Variants in NR3C2 observed in about 807,000 individuals in gnomAD.
NR3C2 encodes the protein mineralocorticoid receptor.
NR3C2 carries 15 observed loss-of-function variants against 86.4 expected under a neutral mutation model. That is an observed-to-expected ratio of 0.17 (90% CI 0.12 to 0.27). The LOEUF (loss-of-function observed/expected upper bound fraction) is 0.27, where lower values mean the gene tolerates loss of function less well. Among genes scored for constraint, NR3C2 ranks in the 10% least tolerant of loss-of-function variants. The pLI, the probability that NR3C2 is intolerant of heterozygous loss-of-function variation, is 1.00. For missense variants in NR3C2, 960 were observed against 1,195.6 expected (o/e 0.80, Z 2.91); for synonymous variants, 458 against 450.5 (o/e 1.02, Z -0.21).
intron 6 of NR3C2, among the ~76,000 whole-genome samples, chr4:148,124,407 A>G (rs1452536689): frequency 6.6e-6 from 1 of 152,190 alleles, no homozygotes; most frequent in African/African-American, 2.4e-5. Context: ...ATAGTATTCA[A>G]CTATACCTGG....
At chr4:148,285,696 ACT>A (rs1298381679) in intron 2 of NR3C2, among the ~76,000 whole-genome samples, 3 of 152,000 alleles carry the variant, frequency 2.0e-5, no homozygotes, top group Non-Finnish European at 4.4e-5. Flanking sequence ...ACAGAGTGAG[ACT>A]CTGTCTCAAA....
At chr4:148,445,204 C>T (rs1279716296), upstream of NR3C2, among the ~76,000 whole-genome samples, 3 of 152,040 alleles carry the variant, frequency 2.0e-5, no homozygotes, top group Non-Finnish European at 4.4e-5. Context: ...CCTGACCTCG[C>T]GCCCGGCTTC....
intron 2 of NR3C2, among the ~76,000 whole-genome samples, chr4:148,323,153 G>C (rs1226728457): frequency 6.7e-6 from 1 of 149,656 alleles, no homozygotes; most frequent in Non-Finnish European, 1.5e-5. Flanking sequence ...AGGTGTCAGT[G>C]TGCCTCTGCT....
At chr4:148,287,459 G>A (rs1741582474) in intron 2 of NR3C2, among the ~76,000 whole-genome samples, 1 of 152,050 alleles carries the variant, frequency 6.6e-6, no homozygotes, top group Admixed American at 6.6e-5. Context: ...AAATTAGCTC[G>A]ATGTTTAAAA....
intron 3 of NR3C2, among the ~76,000 whole-genome samples, chr4:148,216,090 CATT>C (rs1331663485): frequency 6.6e-6 from 1 of 152,036 alleles, no homozygotes; most frequent in Non-Finnish European, 1.5e-5. Flanking sequence ...TCAACTATGT[CATT>C]ATAATGGGAA....
chr4:148,128,489 C>A (rs1732858371), intron 6 of NR3C2, among the ~76,000 whole-genome samples: 1 of 152,190 alleles, frequency 6.6e-6, no homozygotes, highest in African/African-American at 2.4e-5. Context: ...GCCTGTAGAA[C>A]TTGGGAGCTC....
chr4:148,110,628 T>G (rs1309011897), intron 8 of NR3C2, among the ~76,000 whole-genome samples: 2 of 152,166 alleles, frequency 1.3e-5, no homozygotes, highest in Non-Finnish European at 2.9e-5. Context: ...AATGCTCTGT[T>G]TGGAATAGGA....
At chr4:148,440,534 C>T (rs779693624) in intron 1 of NR3C2, among the ~76,000 whole-genome samples, 16 of 152,248 alleles carry the variant, frequency 1.1e-4, no homozygotes, top group Non-Finnish European at 1.2e-4. Flanking sequence ...GGCTTGCCTG[C>T]CTCACAATGG....
At chr4:148,162,342 C>T (rs1231356889) in intron 4 of NR3C2, among the ~76,000 whole-genome samples, 1 of 152,088 alleles carries the variant, frequency 6.6e-6, no homozygotes, top group African/African-American at 2.4e-5. Flanking sequence ...ACTTTCATGG[C>T]ATTTGTATTT....
chr4:148,369,661 T>G (rs894353602), intron 2 of NR3C2, among the ~76,000 whole-genome samples: 3 of 152,212 alleles, frequency 2.0e-5, no homozygotes, highest in Admixed American at 2.0e-4. Flanking sequence ...AATCTGCCAT[T>G]TCTCTATAGC....
chr4:148,297,874 A>G (rs568379654), intron 2 of NR3C2, among the ~76,000 whole-genome samples: 6 of 151,512 alleles, frequency 4.0e-5, no homozygotes, highest in Non-Finnish European at 7.4e-5. Flanking sequence ...GGGCGACAAA[A>G]GTGAAACTCC....
intron 2 of NR3C2, among the ~76,000 whole-genome samples, chr4:148,364,170 G>A (rs2126327443): frequency 6.6e-6 from 1 of 152,258 alleles, no homozygotes; most frequent in South Asian, 2.1e-4. Flanking sequence ...CATACATAGT[G>A]CTCAGTATGT....
At chr4:148,274,199 TTTACGGGATCTCCCGTTAAGA>T (rs1246489676) in intron 2 of NR3C2, among the ~76,000 whole-genome samples, 1 of 152,184 alleles carries the variant, frequency 6.6e-6, no homozygotes, top group Non-Finnish European at 1.5e-5. Context: ...TAGTAAGTGT[TTTACGGGATCTCCCGTTAAGA>T]ACAAATGGTG....
chr4:148,438,179 T>C (rs1750167906), intron 1 of NR3C2, among the ~76,000 whole-genome samples: 1 of 152,172 alleles, frequency 6.6e-6, no homozygotes, highest in Non-Finnish European at 1.5e-5. Flanking sequence ...CTGATAATTC[T>C]TAGTTGTGGA....
At chr4:148,342,778 T>C (rs1046308940) in intron 2 of NR3C2, among the ~76,000 whole-genome samples, 1 of 152,168 alleles carries the variant, frequency 6.6e-6, no homozygotes, top group Non-Finnish European at 1.5e-5. Flanking sequence ...TCACCATTTT[T>C]ATAACAGTAA....
At chr4:148,278,338 G>A (rs533800421) in intron 2 of NR3C2, among the ~76,000 whole-genome samples, 2 of 152,178 alleles carry the variant, frequency 1.3e-5, no homozygotes, top group South Asian at 2.1e-4. Flanking sequence ...AGCCTCAAGC[G>A]ATCTGCCAGC....
chr4:148,252,459 G>A lies in NR3C2; in HGVS notation c.1897+7519C>T, dbSNP rs115136491. 3.4e-3 allele frequency among the ~76,000 whole-genome samples: 512 copies of A among 152,286 alleles called. 5 individuals carry two copies. The highest frequency in any genetic ancestry group is 0.011 in the African/African-American group (471 of 41,562). On this transcript the variant is annotated intron_variant, in intron 3 of 8. Coordinates refer to ENST00000358102, the MANE Select transcript of NR3C2 (RefSeq NM_000901.5). ...TAGCTATTCTTATAGGACCAGGTGG[G>A]AGACAGAACTAAGTATTTTTCTCAA...
In NR3C2 at chr4:148,301,539, T is replaced by C. The variant is rs147466310; in HGVS notation, c.1758-41422A>G. On this transcript the variant is annotated intron_variant, in intron 2 of 8. Transcript: ENST00000358102. ...TGACTAAATTCAAAAGGGTATTATA[T>C]GGCTTTTCGATAAATTGAGCATTGA... Among the ~76,000 whole-genome samples the C allele has an allele frequency of 2.7e-3, 404 of 152,368 alleles. 3 individuals carry two copies. Among genetic ancestry groups the C allele is most frequent in the African/African-American group, 8.9e-3 (371 of 41,586 alleles).
intron 6 of NR3C2, among the ~76,000 whole-genome samples, chr4:148,130,952 T>A (rs1245094641): frequency 3.3e-5 from 5 of 150,104 alleles, no homozygotes; most frequent in African/African-American, 4.9e-5. Context: ...GCCTCCCGAG[T>A]AGCCGGGACC....
Sources: allele counts gnomAD v4.1 joint callset (sites outside exome capture counted in the v4.1 genomes callset), GRCh38; gene constraint gnomAD v4.1.1; transcripts MANE v1.5; gene names NCBI Gene and HGNC (gene_info 2026-07-23, HGNC 2026-07-21).